CNTN5: variants seen among roughly 807,000 people sequenced by gnomAD.
CNTN5 encodes contactin-5.
In CNTN5, 77 loss-of-function variants were observed where a neutral mutation model predicts 129.1. The ratio of observed to expected loss-of-function variants is 0.60; its 90% confidence interval spans 0.50 to 0.72. CNTN5 has a LOEUF of 0.72. CNTN5 is among the 30% of genes least tolerant of loss of function. The pLI, the probability that CNTN5 is intolerant of heterozygous loss-of-function variation, is 0.00. For synonymous variants in CNTN5, 509 were observed against 465.6 expected (o/e 1.09, Z -1.20); for missense variants, 1,478 against 1,328.8 (o/e 1.11, Z -1.75).
intron 3 of CNTN5, among the ~76,000 whole-genome samples, chr11:99,653,377 TAAC>T (rs1178884173): frequency 1.3e-5 from 2 of 152,034 alleles, no homozygotes; most frequent in African/African-American, 4.8e-5. Flanking sequence ...CTGTTTCACT[TAAC>T]AGCCAATTTA....
At chr11:99,939,102 A>T (rs949839553) in intron 7 of CNTN5, among the ~76,000 whole-genome samples, 1 of 152,104 alleles carries the variant, frequency 6.6e-6, no homozygotes, top group Non-Finnish European at 1.5e-5. Flanking sequence ...AAAAAAATTT[A>T]AAAAGATGAA....
At chr11:100,122,930 C>A (rs755703270) in intron 13 of CNTN5, among the ~76,000 whole-genome samples, 75 of 151,904 alleles carry the variant, frequency 4.9e-4, no homozygotes, top group Non-Finnish European at 6.9e-4. Context: ...GAGGCTTTTG[C>A]AATATCCAAA....
chr11:99,668,841 TAAC>T (rs1952910180), intron 3 of CNTN5, among the ~76,000 whole-genome samples: 1 of 152,038 alleles, frequency 6.6e-6, no homozygotes, highest in African/African-American at 2.4e-5. Flanking sequence ...AGTTGAGGAA[TAAC>T]TATTTATTAT....
chr11:99,295,192 C>T (rs2135930527), intron 1 of CNTN5, among the ~76,000 whole-genome samples: 1 of 152,208 alleles, frequency 6.6e-6, no homozygotes, highest in South Asian at 2.1e-4. Flanking sequence ...TAAACCGAAC[C>T]ACCAAAAAAC....
chr11:99,186,665 C>A (rs775941819), intron 1 of CNTN5, among the ~76,000 whole-genome samples: 27 of 151,960 alleles, frequency 1.8e-4, no homozygotes, highest in African/African-American at 6.0e-4. Flanking sequence ...TTTTCAGTAC[C>A]CACATTCTCT....
intron 13 of CNTN5, among the ~76,000 whole-genome samples, chr11:100,144,899 C>A (rs924298219): frequency 1.3e-5 from 2 of 150,626 alleles, no homozygotes; most frequent in African/African-American, 4.9e-5. Context: ...TCCTCTTTTT[C>A]TTTCATTTCT....
In CNTN5 at chr11:99,125,685, A is replaced by C. The variant is rs554487576; in HGVS notation, c.-210+104415A>C. ...AAACTACATTATTTTAAATCCTATCAATTTCAATTTTGAAATTTTTGCTAC... is the reference window on the plus strand; with the variant it reads ...AAACTACATTATTTTAAATCCTATCCATTTCAATTTTGAAATTTTTGCTAC... On this transcript the variant is annotated intron_variant, in intron 1 of 24. Coordinates refer to ENST00000524871, the MANE Select transcript of CNTN5 (RefSeq NM_014361.4). Among the ~76,000 whole-genome samples, 6 of 152,256 alleles carry C rather than the reference A, an allele frequency of 3.9e-5. No homozygotes were observed. In the South Asian group the frequency reaches 8.3e-4, roughly 21 times the overall value.
intron 1 of CNTN5, among the ~76,000 whole-genome samples, chr11:99,081,557 G>T (rs11218327): frequency 0.21 from 31,666 of 151,968 alleles, 3,710 homozygotes; most frequent in South Asian, 0.28. Context: ...ATGATCTCAG[G>T]ATGATATCAT....
chr11:99,757,126 C>T (rs1415758951), intron 3 of CNTN5, among the ~76,000 whole-genome samples: 3 of 151,996 alleles, frequency 2.0e-5, no homozygotes, highest in Non-Finnish European at 2.9e-5. Flanking sequence ...GGCACTAGGG[C>T]AAAATGTGAT....
chr11:100,027,272 A>AT (rs1459347909), intron 9 of CNTN5, among the ~76,000 whole-genome samples: 1 of 152,152 alleles, frequency 6.6e-6, no homozygotes, highest in East Asian at 1.9e-4. Context: ...GAAATTGAGC[A>AT]TTTTTGTATT....
At chr11:99,191,739 G>C (rs1858653686) in intron 1 of CNTN5, among the ~76,000 whole-genome samples, 1 of 151,636 alleles carries the variant, frequency 6.6e-6, no homozygotes, top group African/African-American at 2.4e-5. Context: ...AGAATTAAGA[G>C]ATAAATTTAA....
chr11:100,347,055 C>T (rs1591533000), intron 23 of CNTN5, among the ~76,000 whole-genome samples: 1 of 152,114 alleles, frequency 6.6e-6, no homozygotes, highest in East Asian at 1.9e-4. Flanking sequence ...CACCAGGTCC[C>T]TCCCATAACA....
intron 3 of CNTN5, among the ~76,000 whole-genome samples, chr11:99,564,462 T>C (rs1440057707): frequency 6.6e-6 from 1 of 152,008 alleles, no homozygotes; most frequent in Non-Finnish European, 1.5e-5. Flanking sequence ...ACAGTAGCAG[T>C]GAAAGAACTG....
chr11:100,136,118 A>G (rs1946516134), intron 13 of CNTN5, among the ~76,000 whole-genome samples: 1 of 152,144 alleles, frequency 6.6e-6, no homozygotes, highest in African/African-American at 2.4e-5. Flanking sequence ...ATGTGACTAA[A>G]TCATCCATAG....
At chr11:100,200,494 G>T (rs780035760) in intron 15 of CNTN5, among the ~76,000 whole-genome samples, 10 of 151,886 alleles carry the variant, frequency 6.6e-5, no homozygotes, top group Admixed American at 3.9e-4. Context: ...TTTATGACAG[G>T]TCTCATAACA....
chr11:99,262,223 G>A (rs1289262143), intron 1 of CNTN5, among the ~76,000 whole-genome samples: 1 of 151,976 alleles, frequency 6.6e-6, no homozygotes, highest in Non-Finnish European at 1.5e-5. Flanking sequence ...GGCTTAAGCT[G>A]CAAGCCTATT....
intron 2 of CNTN5, among the ~76,000 whole-genome samples, chr11:99,465,158 T>A (rs1426143505): frequency 6.6e-6 from 1 of 152,222 alleles, no homozygotes; most frequent in Non-Finnish European, 1.5e-5. Context: ...CTTCTAAAAG[T>A]AGTAAATGTG....
At chr11:99,289,431 G>A (rs1051721557) in intron 1 of CNTN5, among the ~76,000 whole-genome samples, 9 of 151,820 alleles carry the variant, frequency 5.9e-5, no homozygotes, top group Admixed American at 1.3e-4. Flanking sequence ...TGTATACATT[G>A]CTATTAATAG....
chr11:99,453,105 G>A (rs1423979545), intron 2 of CNTN5, among the ~76,000 whole-genome samples: 3 of 151,984 alleles, frequency 2.0e-5, no homozygotes, highest in South Asian at 2.1e-4. Flanking sequence ...TTCATATTTC[G>A]GTTAGAACCT....
Sources: allele counts gnomAD v4.1 joint callset (sites outside exome capture counted in the v4.1 genomes callset), GRCh38; gene constraint gnomAD v4.1.1; transcripts MANE v1.5; gene names NCBI Gene and HGNC (gene_info 2026-07-23, HGNC 2026-07-21).